Variants in TMEM71 observed in about 807,000 individuals in gnomAD.
TMEM71 encodes transmembrane protein 71.
A neutral mutation model predicts 38.0 loss-of-function variants in TMEM71; 44 were observed. The ratio of observed to expected loss-of-function variants is 1.16; its 90% CI spans 0.91 to 1.49. TMEM71 has a LOEUF of 1.49. TMEM71 is among the 40% of genes most tolerant of loss of function. TMEM71 has a pLI of 0.00. For missense variants in TMEM71, 367 were observed against 348.6 expected (o/e 1.05, Z -0.42); for synonymous variants, 133 against 122.5 (o/e 1.09, Z -0.56).
chr8:132,718,441 A>C (rs1236260416), intron 7 of TMEM71, among the ~76,000 whole-genome samples: 3 of 126,182 alleles, frequency 2.4e-5, no homozygotes, highest in Non-Finnish European at 4.8e-5. Flanking sequence ...TCTGTTGCCC[A>C]GCCTGGAGTG....
intron 6 of TMEM71, among the ~76,000 whole-genome samples, chr8:132,726,914 C>T (rs190227118): frequency 1.0e-3 from 153 of 149,152 alleles, no homozygotes; most frequent in African/African-American, 2.5e-3. Flanking sequence ...GGTATGATCT[C>T]GAGTGATCTC....
chr8:132,770,140 G>A, the TMEM71 span, among the ~76,000 whole-genome samples: 1 of 152,200 alleles, frequency 6.6e-6, no homozygotes, highest in East Asian at 1.9e-4. Context: ...GATTAGGAAT[G>A]TGAATGTTAG....
the TMEM71 span, among the ~76,000 whole-genome samples, chr8:132,772,043 T>TA: frequency 1.3e-5 from 2 of 152,014 alleles, no homozygotes; most frequent in South Asian, 2.1e-4. Flanking sequence ...AAACTAACCT[T>TA]AAAAAAAACT....
chr8:132,758,973 A>G, intron 1 of TMEM71, 58 bp from the exon 2 acceptor site: 1 of 1,035,412 alleles, frequency 9.7e-7, no homozygotes, highest in Non-Finnish European at 1.5e-6. Context: ...AAATTATGCC[A>G]AAACAGATGG....
At chr8:132,722,556 C>T (rs1173080870) in intron 6 of TMEM71, among the ~76,000 whole-genome samples, 2 of 152,110 alleles carry the variant, frequency 1.3e-5, no homozygotes, top group Non-Finnish European at 2.9e-5. Context: ...AGGTGGATGC[C>T]ATTATCTTAG....
chr8:132,740,587 T>C (rs763899220), intron 5 of TMEM71, among the ~76,000 whole-genome samples: 24 of 152,152 alleles, frequency 1.6e-4, no homozygotes, highest in Non-Finnish European at 3.1e-4. Context: ...AATTCATAAA[T>C]GAATTACAGC....
chr8:132,768,528 G>T, the TMEM71 span, among the ~76,000 whole-genome samples: 2 of 151,910 alleles, frequency 1.3e-5, no homozygotes, highest in Non-Finnish European at 1.5e-5. Context: ...TTTGCTCAGG[G>T]TTCATTTTCA....
intron 7 of TMEM71, among the ~76,000 whole-genome samples, chr8:132,721,174 G>A (rs1740549596): frequency 6.6e-6 from 1 of 152,182 alleles, no homozygotes. Context: ...AAGTGCAAAG[G>A]CCCTGAGACA....
At chr8:132,715,277 G>A (rs907223805) in intron 7 of TMEM71, among the ~76,000 whole-genome samples, 17 of 151,562 alleles carry the variant, frequency 1.1e-4, no homozygotes, top group Non-Finnish European at 2.4e-4. Context: ...GGGCGTGGTG[G>A]CGGGCGCCTG....
At position 132,714,255 on chromosome 8, in the gene TMEM71, T is replaced by C. The variant is rs183662071; in HGVS notation, c.753-40A>G. The C allele has an allele frequency of 4.8e-4, 715 of 1,488,444 alleles. 3 individuals are homozygous for C. The African/African-American group carries it at 9.1e-3, about 19-fold the overall frequency. 92.2% of individuals were successfully genotyped at this position (1,488,444 alleles called of 1,614,324 possible). On this transcript the variant is annotated intron_variant, in intron 7 of 9. Coordinates refer to ENST00000677595, the MANE Select transcript of TMEM71 (RefSeq NM_001382403.1). ...TTGCTCTGATTTAGCATACTAATTG[T>C]GCATTTCCAACCTGTGTGATTTTTT...
chr8:132,766,901 CTACATCAA>C, the TMEM71 span, among the ~76,000 whole-genome samples: 2 of 152,064 alleles, frequency 1.3e-5, no homozygotes, highest in African/African-American at 2.4e-5. Context: ...ATAATAATCT[CTACATCAA>C]TGTGGTTTCT....
downstream of TMEM71, among the ~76,000 whole-genome samples, chr8:132,707,954 G>C (rs1417376573): frequency 6.6e-6 from 1 of 152,094 alleles, no homozygotes; most frequent in Admixed American, 6.6e-5. Context: ...GGCTAGACTG[G>C]CTCTTGGCAC....
chr8:132,741,709 C>G (rs1828048839), intron 5 of TMEM71, among the ~76,000 whole-genome samples: 5 of 152,018 alleles, frequency 3.3e-5, no homozygotes, highest in Admixed American at 3.3e-4. Flanking sequence ...GAAGGCAGAG[C>G]CAGGTGTACA....
chr8:132,728,698 G>A (rs182201297), intron 5 of TMEM71, among the ~76,000 whole-genome samples: 16 of 152,288 alleles, frequency 1.1e-4, no homozygotes, highest in African/African-American at 3.8e-4. Flanking sequence ...ATCTTTATAG[G>A]ACCAAACTTT....
intron 6 of TMEM71, among the ~76,000 whole-genome samples, chr8:132,724,147 A>G (rs1827001894): frequency 6.6e-6 from 1 of 152,202 alleles, no homozygotes; most frequent in Non-Finnish European, 1.5e-5. Flanking sequence ...GAAACTCCCA[A>G]TAAGGGACTA....
At chr8:132,740,317 A>T (rs1364504556) in intron 5 of TMEM71, among the ~76,000 whole-genome samples, 2 of 152,192 alleles carry the variant, frequency 1.3e-5, no homozygotes, top group African/African-American at 4.8e-5. Context: ...CTTTTAAGCC[A>T]ATGCTCAAAA....
intron 3 of TMEM71, among the ~76,000 whole-genome samples, chr8:132,756,431 AT>A (rs1346341988): frequency 6.9e-6 from 1 of 144,616 alleles, no homozygotes; most frequent in African/African-American, 2.5e-5. Flanking sequence ...ATATATATAT[AT>A]ATATATATAT....
the TMEM71 span, among the ~76,000 whole-genome samples, chr8:132,771,245 C>G: frequency 6.6e-6 from 1 of 152,160 alleles, no homozygotes; most frequent in Non-Finnish European, 1.5e-5. Context: ...CAGGATCCAC[C>G]TGTCATTCTG....
chr8:132,749,287 A>C lies in TMEM71; in HGVS notation c.315-2173T>G, dbSNP rs73708363. 9.6e-3 allele frequency among the ~76,000 whole-genome samples: 1,465 copies of C among 152,330 alleles called. 22 individuals carry two copies. The highest frequency in any genetic ancestry group is 0.034 in the African/African-American group (1,393 of 41,568). Reference sequence around the variant, plus strand: ...GAGGTGATGGTGGCCTGAATGAAGAAAATAGCTATGGGAAGAAAGACAAGA... The same window carrying C: ...GAGGTGATGGTGGCCTGAATGAAGACAATAGCTATGGGAAGAAAGACAAGA... On this transcript the variant is annotated intron_variant, in intron 4 of 9. Transcript: ENST00000677595.
Sources: allele counts gnomAD v4.1 joint callset (sites outside exome capture counted in the v4.1 genomes callset), GRCh38; gene constraint gnomAD v4.1.1; transcripts MANE v1.5; gene names NCBI Gene and HGNC (gene_info 2026-07-23, HGNC 2026-07-21).